The following HHAT variants were observed in gnomAD, a reference collection of about 807,000 sequenced individuals.
HHAT encodes the protein hedgehog acyltransferase.
A neutral mutation model predicts 70.8 loss-of-function variants in HHAT; 47 were observed. The observed-to-expected ratio is 0.66, with a 90% CI of 0.53 to 0.85. The LOEUF is 0.85. HHAT is among the 40% of genes least tolerant of loss of function. The pLI is 0.00. For synonymous variants in HHAT, 228 were observed against 247.6 expected, an observed-to-expected ratio of 0.92 and a Z score of 0.74; for missense variants, 609 against 604.8, an observed-to-expected ratio of 1.01 and a Z score of -0.07.
intron 1 of HHAT, among the ~76,000 whole-genome samples, chr1:210,334,177 C>CGTTT (rs1342123521): frequency 2.9e-5 from 1 of 34,548 alleles, no homozygotes; most frequent in Non-Finnish European, 5.3e-5. Flanking sequence ...TTTAGCGTGT[C>CGTTT]ATTTTTTTTT....
In HHAT at chr1:210,572,486, G is replaced by C. The variant is rs191374240; in HGVS notation, c.1044-15412G>C. On this transcript the variant is annotated intron_variant, in intron 9 of 11. Coordinates refer to ENST00000261458, the MANE Select transcript of HHAT (RefSeq NM_018194.6). ...TTGAAACCCACCTGTGGCCACCTTA[G>C]ATGACCATTTTCATTTCCAGTGTGT... Among the ~76,000 whole-genome samples the C allele has an allele frequency of 5.6e-4, 85 of 152,234 alleles. 1 individual carries two copies. The highest frequency in any genetic ancestry group is 1.9e-3 in the African/African-American group (78 of 41,522).
At chr1:210,537,967 T>C (rs971050467) in intron 9 of HHAT, among the ~76,000 whole-genome samples, 1 of 152,328 alleles carries the variant, frequency 6.6e-6, no homozygotes, top group Admixed American at 6.5e-5. Context: ...TTGGATGATA[T>C]AAAAATTTTT....
At chr1:210,350,713 TTC>T (rs1428040956) in intron 2 of HHAT, among the ~76,000 whole-genome samples, 1 of 152,200 alleles carries the variant, frequency 6.6e-6, no homozygotes, top group African/African-American at 2.4e-5. Context: ...ATGATTTTCT[TTC>T]TTTCTTTTCA....
intron 8 of HHAT, among the ~76,000 whole-genome samples, chr1:210,473,087 AG>A (rs2094234745): frequency 6.6e-6 from 1 of 152,216 alleles, no homozygotes; most frequent in African/African-American, 2.4e-5. Flanking sequence ...TGGAAAGGGA[AG>A]GGGATTCTCT....
intron 10 of HHAT, chr1:210,588,324 G>A (rs1660939413): frequency 9.0e-6 from 4 of 446,274 alleles, no homozygotes; most frequent in East Asian, 6.9e-5. Flanking sequence ...TATAAAAAAT[G>A]TATTATGTAA....
rs1464909363 is a variant in HHAT at position 210,546,537 on chromosome 1, G to A, written c.1043+33349G>A. ...GTGGCTGGGATGGTTAGGTCCACCG[G>A]GAGGTAAGAGGAGACACTGGGTTGT... is the stretch of plus-strand genomic sequence containing the variant. On this transcript the variant is annotated intron_variant, in intron 9 of 11. Coordinates refer to ENST00000261458, the MANE Select transcript of HHAT (RefSeq NM_018194.6). Among the ~76,000 whole-genome samples, 9 of 152,324 alleles carry A rather than the reference G, an allele frequency of 5.9e-5. No individual in the cohort carries two copies. In the South Asian group the frequency reaches 1.2e-3, roughly 21 times the overall value.
intron 9 of HHAT, among the ~76,000 whole-genome samples, chr1:210,521,145 T>C (rs1428904887): frequency 6.6e-6 from 1 of 152,230 alleles, no homozygotes; most frequent in East Asian, 1.9e-4. Context: ...ATAGCACATA[T>C]TCAGTTCATA....
intron 9 of HHAT, among the ~76,000 whole-genome samples, chr1:210,563,388 T>C (rs1558168725): frequency 6.6e-6 from 1 of 152,224 alleles, no homozygotes; most frequent in Non-Finnish European, 1.5e-5. Flanking sequence ...TAATCTGAGA[T>C]GGCTTCCAGA....
chr1:210,413,327 G>T (rs2092620884), intron 6 of HHAT, among the ~76,000 whole-genome samples: 1 of 152,180 alleles, frequency 6.6e-6, no homozygotes, highest in Non-Finnish European at 1.5e-5. Flanking sequence ...TGGACAGGAG[G>T]TCCTGGCTTC....
Position 210,674,440 on chromosome 1 carries a change from G to T in HHAT, c.*61G>T. On this transcript the variant is annotated 3_prime_UTR_variant, in exon 12 of 12. Coordinates refer to ENST00000261458, the MANE Select transcript of HHAT (RefSeq NM_018194.6). ...TCCAAGGCAAATAGTGCTTCACCCT[G>T]ACCTCTCACTCCAGGACAGCCTCTA... is the stretch of plus-strand genomic sequence containing the variant. 4.6e-6 allele frequency: 6 copies of T among 1,317,796 alleles called. No individual in the cohort carries two copies. In the South Asian group the frequency reaches 4.7e-5, roughly 10 times the overall value. 81.6% of individuals were successfully genotyped at this position (1,317,796 alleles called of 1,614,324 possible).
At chr1:210,640,053 G>A (rs183697391) in intron 11 of HHAT, among the ~76,000 whole-genome samples, 1 of 152,278 alleles carries the variant, frequency 6.6e-6, no homozygotes, top group African/African-American at 2.4e-5. Context: ...CAGTATGGGA[G>A]ACTTCTAATT....
chr1:210,656,133 T>C (rs4951508), intron 11 of HHAT, among the ~76,000 whole-genome samples: 98,694 of 152,140 alleles, frequency 0.65, 34,182 homozygotes, highest in Non-Finnish European at 0.78. Flanking sequence ...TCCATTGGTC[T>C]TGGTTCTGCC....
chr1:210,562,996 C>T (rs2095638243), intron 9 of HHAT, among the ~76,000 whole-genome samples: 1 of 152,096 alleles, frequency 6.6e-6, no homozygotes, highest in African/African-American at 2.4e-5. Context: ...ATTGCCTCCA[C>T]TAAGGATCAG....
chr1:210,362,178 A>G (rs1013183687), intron 2 of HHAT, among the ~76,000 whole-genome samples: 1 of 152,002 alleles, frequency 6.6e-6, no homozygotes, highest in Admixed American at 6.6e-5. Context: ...TTTTGTTAGC[A>G]TTATATCATA....
intron 8 of HHAT, among the ~76,000 whole-genome samples, chr1:210,477,200 G>A (rs1370257134): frequency 2.0e-5 from 3 of 152,116 alleles, no homozygotes; most frequent in South Asian, 2.1e-4. Context: ...AGGAATCAGG[G>A]AAGCTCGACT....
At chr1:210,385,252 C>CTTTTTTTTT (rs55887436) in intron 3 of HHAT, among the ~76,000 whole-genome samples, 5 of 138,884 alleles carry the variant, frequency 3.6e-5, no homozygotes, top group East Asian at 2.1e-4. Flanking sequence ...ATATGTTTTT[C>CTTTTTTTTT]TTTTTTTTTT....
intron 10 of HHAT, among the ~76,000 whole-genome samples, chr1:210,596,061 G>A (rs1287398412): frequency 6.6e-6 from 1 of 152,104 alleles, no homozygotes; most frequent in Non-Finnish European, 1.5e-5. Context: ...TGTCCTGAAT[G>A]GTATTGCCTA....
chr1:210,653,013 G>C (rs1409310401), intron 11 of HHAT, among the ~76,000 whole-genome samples: 1 of 152,286 alleles, frequency 6.6e-6, no homozygotes, highest in East Asian at 1.9e-4. Flanking sequence ...GATATCCATT[G>C]TAATAGCAAA....
intron 9 of HHAT, among the ~76,000 whole-genome samples, chr1:210,536,525 G>A (rs1217761046): frequency 6.6e-6 from 1 of 152,212 alleles, no homozygotes; most frequent in African/African-American, 2.4e-5. Flanking sequence ...GTTAGTGATT[G>A]TATCTCTCCT....
Sources: allele counts gnomAD v4.1 joint callset (sites outside exome capture counted in the v4.1 genomes callset), GRCh38; gene constraint gnomAD v4.1.1; transcripts MANE v1.5; gene names NCBI Gene and HGNC (gene_info 2026-07-23, HGNC 2026-07-21).